HAL: variants seen among roughly 807,000 people sequenced by gnomAD.
HAL encodes the protein histidine ammonia-lyase.
Under a neutral mutation model 81.1 loss-of-function variants are expected in HAL, and 85 were observed. The observed-to-expected ratio is 1.05, with a 90% CI of 0.88 to 1.25. HAL has a LOEUF of 1.25. HAL is among the 50% of genes most tolerant of loss of function. The pLI is 0.00. For synonymous variants in HAL, 301 were observed against 309.2 expected (o/e 0.97, Z 0.28); for missense variants, 798 against 836.6 (o/e 0.95, Z 0.57).
chr12:95,986,112 C>T lies in HAL; in HGVS notation c.1100G>A (p.Arg367Gln), dbSNP rs749672638. The change falls in exon 13 of 21, where the codon CGG (arginine) becomes CAG (glutamine). Residue 367 changes from arginine (R) to glutamine (Q), a missense_variant. Arg to Gln is a conservative substitution (Grantham distance 43, BLOSUM62 1). Transcript: ENST00000261208. ...PHRGQIEVAF[R>Q]FRSLLDSDHH... is the part of the protein sequence containing the mutation. ...ATCTGAGTCCAAGAGTGACCGAAAC[C>T]GAAAAGCAACTTCAATTTGCCCACG... 1.6e-5 allele frequency: 26 copies of T among 1,612,938 alleles called. No homozygotes were observed. Among genetic ancestry groups the T allele is most frequent in the Non-Finnish European group, 2.0e-5 (23 of 1,179,072 alleles).
At position 95,995,995 on chromosome 12, in the gene HAL, G is replaced by C; in HGVS notation, c.-81-4C>G. The C allele has an allele frequency of 7.3e-7, 1 of 1,369,802 alleles. No individual in the cohort carries two copies. The highest frequency in any genetic ancestry group is 1.0e-6 in the Non-Finnish European group (1 of 982,000). 84.9% of individuals were successfully genotyped at this position (1,369,802 alleles called of 1,614,324 possible). ...GTGGCTACCGGGGTGTGGTCAGCTG[G>C]AAGGATGAGAATAGACTTTCAAACC... On this transcript the variant is annotated splice_region_variant and splice_polypyrimidine_tract_variant and intron_variant, in intron 1 of 20. Transcript: ENST00000261208.
intron 20 of HAL, among the ~76,000 whole-genome samples, 155 bp from the exon 21 acceptor site, chr12:95,974,527 C>A (rs984198343): frequency 6.6e-6 from 1 of 152,154 alleles, no homozygotes. Flanking sequence ...TGACACATGA[C>A]CTGTGTCAAT....
Position 95,973,209 on chromosome 12 carries a change from A to C in HAL, c.*1023T>G, listed in dbSNP as rs912314250. 32 of 152,176 alleles carry C rather than the reference A, an allele frequency of 2.1e-4. No individual in the cohort carries two copies. Among genetic ancestry groups the C allele is most frequent in the African/African-American group, 7.7e-4 (32 of 41,438 alleles). 9.4% of individuals were successfully genotyped at this position (152,176 alleles called of 1,614,324 possible). On this transcript the variant is annotated 3_prime_UTR_variant, in exon 21 of 21. Coordinates refer to ENST00000261208, the MANE Select transcript of HAL (RefSeq NM_002108.4). Reference sequence around the variant, plus strand: ...TATATGCACACACTGGTGCAAAGTCACAGAGCTTAGACTTGGGAAGCCAAG... The same window carrying C: ...TATATGCACACACTGGTGCAAAGTCCCAGAGCTTAGACTTGGGAAGCCAAG...
rs753303552 is a variant in HAL, at chr12:95,995,663, C to G, written c.247+1G>C. ...CGCGGCCCTCTCCTGCAGCCACTCA[C>G]CCACTTCCACGAACTCGTTGTTCTC... is the stretch of plus-strand genomic sequence containing the variant. On this transcript the variant is annotated splice_donor_variant, in intron 2 of 20. Transcript: ENST00000261208. LOFTEE classifies it high-confidence loss of function. 13 of 1,613,186 alleles carry G rather than the reference C, an allele frequency of 8.1e-6. No individual in the cohort carries two copies. Among genetic ancestry groups the G allele is most frequent in the Middle Eastern group, 3.3e-4 (2 of 6,084 alleles).
intron 8 of HAL, 77 bp downstream of exon 8, chr12:95,993,374 C>G (rs1949995004): frequency 2.1e-6 from 2 of 940,454 alleles, no homozygotes; most frequent in African/African-American, 3.2e-5. Context: ...GTGACTATAA[C>G]TGGATAACTC....
In HAL at chr12:95,983,962, T is replaced by C; in HGVS notation, c.1236A>G (p.Ala412=). The change falls in exon 15 of 21, where the codon GCA becomes GCG. Residue 412 remains alanine, a synonymous_variant. Transcript: ENST00000261208. ...CTGTGGTAATGATGTTCTTCACAAA[T>C]GCTATTGTATCATTCACCACACCAT... ...QVHGVVNDTI[A]FVKNIITTEL... The C allele has an allele frequency of 1.3e-6, 2 of 1,587,018 alleles. No individual in the cohort carries two copies. The highest frequency in any genetic ancestry group is 1.1e-5 in the South Asian group (1 of 90,524).
At chr12:95,985,856 GAA>G in intron 14 of HAL, 50 bp downstream of exon 14, 1 of 1,284,144 alleles carries the variant, frequency 7.8e-7, no homozygotes, top group Non-Finnish European at 1.1e-6. Flanking sequence ...CCTGGGGAAA[GAA>G]AAACTTTATT....
At position 95,974,332 on chromosome 12, in the gene HAL, A is replaced by C. The variant is rs1359301312; in HGVS notation, c.1874T>G (p.Met625Arg). ...VAAPYIEKYR[M>R]EHIPESRPLS... ...AGGTCTTGATTCTGGAATATGCTCCATTCTGTATTTTTCAATGTATGGAGC... is the reference window on the plus strand; with the variant it reads ...AGGTCTTGATTCTGGAATATGCTCCCTTCTGTATTTTTCAATGTATGGAGC... The change falls in exon 21 of 21, where the codon ATG becomes AGG. Residue 625 changes from methionine to arginine, a missense_variant. By Grantham distance (91) the Met-to-Arg change is moderately conservative. Transcript: ENST00000261208. 1.2e-6 allele frequency: 2 copies of C among 1,612,962 alleles called. No individual in the cohort carries two copies. Among genetic ancestry groups the C allele is most frequent in the Non-Finnish European group, 1.7e-6 (2 of 1,179,058 alleles).
In HAL at chr12:95,973,444, A is replaced by G. The variant is rs1555236878; in HGVS notation, c.*788T>C. ...TTATCTGTGAAATGAGGAAGGTTACAATAAGAATGTGAATAGAGTACTAAC... is the reference window on the plus strand; with the variant it reads ...TTATCTGTGAAATGAGGAAGGTTACGATAAGAATGTGAATAGAGTACTAAC... On this transcript the variant is annotated 3_prime_UTR_variant, in exon 21 of 21. Coordinates refer to ENST00000261208, the MANE Select transcript of HAL (RefSeq NM_002108.4). 3 of 152,238 alleles carry G rather than the reference A, an allele frequency of 2.0e-5. No homozygotes were observed. The South Asian group carries it at 6.2e-4, about 31-fold the overall frequency. 9.4% of individuals were successfully genotyped at this position (152,238 alleles called of 1,614,324 possible).
Position 95,993,768 on chromosome 12 carries a change from T to C in HAL, c.551+4A>G, listed in dbSNP as rs747309861. 6.7e-7 allele frequency: 1 copy of C among 1,489,328 alleles called. No individual in the cohort carries two copies. Among genetic ancestry groups the C allele is most frequent in the South Asian group, 1.1e-5 (1 of 88,342 alleles). The allele number at this position is 1,489,328 out of a possible 1,614,324, so 92.3% of individuals were successfully genotyped here. A position where few individuals can be genotyped will look rare whatever the true frequency, so the allele number is the denominator to read the frequency against. On this transcript the variant is annotated splice_donor_region_variant and intron_variant, in intron 7 of 20. Transcript: ENST00000261208. ...ACGTGAACATATGTGTGTTTTAAAC[T>C]TACTGTAGCTTATTGATAGGAATTA...
intron 2 of HAL, chr12:95,995,228 C>T (rs1950019862): frequency 1.7e-6 from 1 of 600,386 alleles, no homozygotes; most frequent in Non-Finnish European, 3.0e-6. Context: ...AGACAGAATT[C>T]CACTTCCATC....
intron 4 of HAL, 99 bp from the exon 5 acceptor site, chr12:95,994,263 C>A: frequency 1.2e-6 from 1 of 830,582 alleles, no homozygotes; most frequent in Non-Finnish European, 2.1e-6. Flanking sequence ...TTTCAGAGAT[C>A]TGATCATTGC....
rs772955888 is a variant in HAL, at chr12:95,990,372, A to G, written c.855+21T>C. On this transcript the variant is annotated intron_variant, in intron 10 of 20. Coordinates refer to ENST00000261208, the MANE Select transcript of HAL (RefSeq NM_002108.4). Reference sequence around the variant, plus strand: ...CCAACCTGGGGCAATTGCTGCAGATAGAAGCTGCTACGAGTCTTACGTATT... The same window carrying G: ...CCAACCTGGGGCAATTGCTGCAGATGGAAGCTGCTACGAGTCTTACGTATT... The G allele has an allele frequency of 1.1e-5, 18 of 1,606,480 alleles. No individual in the cohort carries two copies. The East Asian group carries it at 1.8e-4, about 16-fold the overall frequency.
Position 95,993,996 on chromosome 12 carries a change from G to A in HAL, c.414C>T (p.Leu138=), listed in dbSNP as rs147433108. Residue 138 remains leucine, a splice_region_variant and synonymous_variant, in exon 6 of 21, where the codon CTC becomes CTT. Coordinates refer to ENST00000261208, the MANE Select transcript of HAL (RefSeq NM_002108.4). The part of the protein sequence containing the change: ...NLGKGRYKIK[L]TPTAEKRVQK... ...GCACCCTCTTCTCAGCTGTTGGGGT[G>A]AGCTAGGAAAATGTTGATCAGAACT... 9 of 1,611,452 alleles carry A rather than the reference G, an allele frequency of 5.6e-6. No homozygotes were observed. The highest frequency in any genetic ancestry group is 4.0e-5 in the African/African-American group (3 of 74,846).
intron 20 of HAL, among the ~76,000 whole-genome samples, chr12:95,974,973 C>T (rs959682423): frequency 2.6e-5 from 4 of 152,198 alleles, no homozygotes; most frequent in African/African-American, 9.7e-5. Context: ...TTTCTGGCCT[C>T]AAGTGATCCA....
At position 95,995,736 on chromosome 12, in the gene HAL, T is replaced by C; in HGVS notation, c.175A>G (p.Lys59Glu). The C allele has an allele frequency of 6.2e-7, 1 of 1,613,848 alleles. No individual in the cohort carries two copies. ...TCGTTGTCCAGCAGGCCCAGGCCCTTGCACCGGCGCACAAGGAAGTGCGCG... is the reference window on the plus strand; with the variant it reads ...TCGTTGTCCAGCAGGCCCAGGCCCTCGCACCGGCGCACAAGGAAGTGCGCG... ...DDAHFLVRRC[K>E]GLGLLDNEDR... Residue 59 changes from lysine to glutamate, a missense_variant, in exon 2 of 21, where the codon AAG becomes GAG. Coordinates refer to ENST00000261208, the MANE Select transcript of HAL (RefSeq NM_002108.4).
chr12:95,995,359 C>A (rs1410082465), intron 2 of HAL, among the ~76,000 whole-genome samples: 1 of 152,172 alleles, frequency 6.6e-6, no homozygotes, highest in South Asian at 2.1e-4. Context: ...TCAGTCACTG[C>A]AAAGGGATTC....
intron 14 of HAL, among the ~76,000 whole-genome samples, chr12:95,985,368 T>C (rs1592843562): frequency 6.6e-6 from 1 of 152,010 alleles, no homozygotes; most frequent in East Asian, 1.9e-4. Context: ...CTGAGGCAGG[T>C]GGATCATTTG....
In HAL at chr12:95,994,128, C is replaced by T; in HGVS notation, c.373G>A (p.Asp125Asn). Reference sequence around the variant, plus strand: ...CGTCCCTTTCCCAAGTTGACCAGATCCTCCGTGGTCAGACGGTCTCCATCT... The same window carrying T: ...CGTCCCTTTCCCAAGTTGACCAGATTCTCCGTGGTCAGACGGTCTCCATCT... ...ELDGDRLTTE[D>N]LVNLGKGRYK... The change falls in exon 5 of 21, where the codon GAT becomes AAT. Residue 125 changes from aspartate to asparagine, a missense_variant. By Grantham distance (23) the Asp-to-Asn change is conservative (BLOSUM62 1). Transcript: ENST00000261208. 6.2e-7 allele frequency: 1 copy of T among 1,613,526 alleles called. No homozygotes were observed. Among genetic ancestry groups the T allele is most frequent in the Non-Finnish European group, 8.5e-7 (1 of 1,179,452 alleles).
Sources: gnomAD v4.1 joint callset for allele counts (sites outside exome capture counted in the v4.1 genomes callset) on GRCh38, gnomAD v4.1.1 for gene constraint, MANE v1.5 for transcripts, NCBI Gene and HGNC (gene_info 2026-07-23, HGNC 2026-07-21) for gene names.